The following NFIX variants were observed in gnomAD, a reference collection of about 807,000 sequenced individuals.
NFIX encodes the protein nuclear factor I X.
In NFIX, 2 loss-of-function variants were observed where a neutral mutation model predicts 53.3. The observed-to-expected ratio is 0.04, with a 90% confidence interval of 0.02 to 0.12. The LOEUF is 0.12. Among genes scored for constraint, NFIX ranks in the 10% least tolerant of loss-of-function variants. The pLI is 1.00. For missense variants in NFIX, 310 were observed against 674.5 expected, an observed-to-expected ratio of 0.46 and a Z score of 5.99; for synonymous variants, 244 against 289.0, an observed-to-expected ratio of 0.84 and a Z score of 1.58.
rs2015309115 is a variant in NFIX at position 13,051,175 on chromosome 19, G to A, written c.560-21872G>A. Among the ~76,000 whole-genome samples, 1 of 152,208 alleles carries A rather than the reference G, an allele frequency of 6.6e-6. No individual in the cohort carries two copies. The highest frequency in any genetic ancestry group is 6.5e-5 in the Admixed American group (1 of 15,284). ...CATCGCTGAAGGTGTGGCTAAGGCT[G>A]TCCCACCAGGTGTTTGGGATGCTGT... On this transcript the variant is annotated intron_variant, in intron 2 of 10. Transcript: ENST00000592199. The surrounding 1 kb of genome is among the most constrained non-coding windows in gnomAD (Gnocchi z 5.1).
At chr19:13,020,296 C>T (rs1599729815) in intron 1 of NFIX, among the ~76,000 whole-genome samples, 1 of 152,282 alleles carries the variant, frequency 6.6e-6, no homozygotes, top group South Asian at 2.1e-4. Flanking sequence ...CTGATGGCCG[C>T]CACCAGTGGC....
intron 2 of NFIX, among the ~76,000 whole-genome samples, chr19:13,057,654 A>G (rs1388157899): frequency 2.6e-5 from 4 of 152,220 alleles, no homozygotes; most frequent in African/African-American, 9.6e-5. Flanking sequence ...CCTGTGGGTC[A>G]GGATAAGAAT....
chr19:13,041,839 G>A (rs968925379), intron 2 of NFIX, among the ~76,000 whole-genome samples: 2 of 151,146 alleles, frequency 1.3e-5, no homozygotes, highest in South Asian at 2.1e-4. Context: ...CTACTATGTC[G>A]CTATTTTTCA....
chr19:13,007,682 C>G (rs976369202), intron 1 of NFIX, among the ~76,000 whole-genome samples: 10 of 152,334 alleles, frequency 6.6e-5, no homozygotes, highest in Non-Finnish European at 1.5e-4. Context: ...CAAGGGACTT[C>G]GGAGGAACCG....
Position 13,093,517 on chromosome 19 carries a change from GAGCAC to G in NFIX, c.1495-1114_1495-1110del, listed in dbSNP as rs1204053955. Reference sequence around the variant, plus strand: ...TGCTCGCAGCACAGGCAGCAGTTAGGAGCACAGCCTGCACTGCCCCTTACATTTGA... The same window carrying G: ...TGCTCGCAGCACAGGCAGCAGTTAGGAGCCTGCACTGCCCCTTACATTTGA... On this transcript the variant is annotated intron_variant, in intron 10 of 10. Coordinates refer to ENST00000592199, the MANE Select transcript of NFIX (RefSeq NM_001365902.3). The surrounding 1 kb of genome is among the most constrained non-coding windows in gnomAD (Gnocchi z 4.7). 6.6e-6 allele frequency among the ~76,000 whole-genome samples: 1 copy of G among 152,214 alleles called. No homozygotes were observed. Among genetic ancestry groups the G allele is most frequent in the Admixed American group, 6.5e-5 (1 of 15,284 alleles).
chr19:13,072,766 A>C lies in NFIX; in HGVS notation c.560-281A>C, dbSNP rs975550251. 6.6e-6 allele frequency among the ~76,000 whole-genome samples: 1 copy of C among 152,206 alleles called. No homozygotes were observed. The highest frequency in any genetic ancestry group is 1.5e-5 in the Non-Finnish European group (1 of 68,040). ...GGTGGAGGCCAGGGATGCTGCTCAG[A>C]TACCCCACAGTGCACAGGATGGTCC... On this transcript the variant is annotated intron_variant, in intron 2 of 10. Coordinates refer to ENST00000592199, the MANE Select transcript of NFIX (RefSeq NM_001365902.3). The surrounding 1 kb of genome is among the most constrained non-coding windows in gnomAD (Gnocchi z 4.0).
rs1464807963 is a variant in NFIX at position 13,022,434 on chromosome 19, G to A, written c.28-2587G>A. Reference sequence around the variant, plus strand: ...CAGCCAGACCTGGGGGCATCACAAGGTGGCAGTACCCTGGGCACCAGATCC... The same window carrying A: ...CAGCCAGACCTGGGGGCATCACAAGATGGCAGTACCCTGGGCACCAGATCC... On this transcript the variant is annotated intron_variant, in intron 1 of 10. Coordinates refer to ENST00000592199, the MANE Select transcript of NFIX (RefSeq NM_001365902.3). This position sits in a 1 kb window ranked among gnomAD's most constrained non-coding sequence, Gnocchi z 4.5. Among the ~76,000 whole-genome samples the A allele has an allele frequency of 6.6e-6, 1 of 152,058 alleles. No homozygotes were observed. The highest frequency in any genetic ancestry group is 1.5e-5 in the Non-Finnish European group (1 of 68,012).
At chr19:13,033,901 C>T (rs2013992895) in intron 2 of NFIX, among the ~76,000 whole-genome samples, 1 of 152,210 alleles carries the variant, frequency 6.6e-6, no homozygotes, top group East Asian at 1.9e-4. Flanking sequence ...TTGTCAGCTG[C>T]CTGAGCCTTC....
intron 1 of NFIX, among the ~76,000 whole-genome samples, chr19:13,000,954 T>A (rs1229282257): frequency 1.3e-5 from 2 of 152,186 alleles, no homozygotes; most frequent in Non-Finnish European, 2.9e-5. Flanking sequence ...GAGCCTGGCC[T>A]TTTAAATCTG....
At position 13,045,460 on chromosome 19, in the gene NFIX, AC is replaced by A. The variant is rs1356467143; in HGVS notation, c.559+19914del. On this transcript the variant is annotated intron_variant, in intron 2 of 10. Transcript: ENST00000592199. This position sits in a 1 kb window ranked among gnomAD's most constrained non-coding sequence, Gnocchi z 4.4. Reference sequence around the variant, plus strand: ...TAGCTGTCCTACACTGCACAAGACGACCCCCCATAGAAGACAGTATCTAGCC... The same window carrying A: ...TAGCTGTCCTACACTGCACAAGACGACCCCCATAGAAGACAGTATCTAGCC... Among the ~76,000 whole-genome samples the A allele has an allele frequency of 6.6e-6, 1 of 151,536 alleles. No individual in the cohort carries two copies. Among genetic ancestry groups the A allele is most frequent in the African/African-American group, 2.4e-5 (1 of 41,194 alleles).
intron 2 of NFIX, among the ~76,000 whole-genome samples, chr19:13,054,252 A>C (rs1309687292): frequency 6.6e-6 from 1 of 152,216 alleles, no homozygotes; most frequent in Non-Finnish European, 1.5e-5. Context: ...TCCCAGCTCC[A>C]GCTGACTTTG....
chr19:13,073,803 G>C lies in NFIX; in HGVS notation c.698-103G>C. The C allele has an allele frequency of 6.6e-7, 1 of 1,510,744 alleles. No homozygotes were observed. Among genetic ancestry groups the C allele is most frequent in the African/African-American group, 1.4e-5 (1 of 72,532 alleles). The allele number at this position is 1,510,744 out of a possible 1,614,324, so 93.6% of individuals were successfully genotyped here. On this transcript the variant is annotated intron_variant, in intron 4 of 10. Transcript: ENST00000592199. The surrounding 1 kb of genome is among the most constrained non-coding windows in gnomAD (Gnocchi z 4.5). ...CTTTCTCCCATCTCCTGGCCCCACAGTAAACTCACCCTGGGCTTCTGGGAA... is the reference window on the plus strand; with the variant it reads ...CTTTCTCCCATCTCCTGGCCCCACACTAAACTCACCCTGGGCTTCTGGGAA...
rs531167097 is a variant in NFIX at position 13,067,479 on chromosome 19, T to C, written c.560-5568T>C. Among the ~76,000 whole-genome samples, 32 of 92,170 alleles carry C rather than the reference T, an allele frequency of 3.5e-4. No homozygotes were observed. Among genetic ancestry groups the C allele is most frequent in the Admixed American group, 1.1e-3 (10 of 9,298 alleles). The allele number at this position is 92,170 out of a possible 152,430, so 60.5% of individuals were successfully genotyped here. On this transcript the variant is annotated intron_variant, in intron 2 of 10. Coordinates refer to ENST00000592199, the MANE Select transcript of NFIX (RefSeq NM_001365902.3). This position sits in a 1 kb window ranked among gnomAD's most constrained non-coding sequence, Gnocchi z 4.2. The stretch of plus-strand genomic sequence containing the variant: ...GTGTGCGCGCGTGTGTGTGTGTGTG[T>C]GTGCGTGTGTGTGTGTGTGTGTGTG...
rs973100848 is a variant in NFIX at position 13,095,442 on chromosome 19, T to G, written c.*793T>G. 6.6e-6 allele frequency: 1 copy of G among 152,182 alleles called. No homozygotes were observed. Among genetic ancestry groups the G allele is most frequent in the African/African-American group, 2.4e-5 (1 of 41,422 alleles). The allele number at this position is 152,182 out of a possible 1,614,324, so 9.4% of individuals were successfully genotyped here. On this transcript the variant is annotated 3_prime_UTR_variant, in exon 11 of 11. Transcript: ENST00000592199. Reference sequence around the variant, plus strand: ...AGTCCGTAGGAAAAAGTCGGAATGCTCTCGACGGCCTCGTCCCAGCCTGGG... The same window carrying G: ...AGTCCGTAGGAAAAAGTCGGAATGCGCTCGACGGCCTCGTCCCAGCCTGGG...
chr19:13,024,878 GGGGA>G, intron 1 of NFIX, 139 bp from the exon 2 acceptor site: 2 of 1,322,494 alleles, frequency 1.5e-6, no homozygotes, highest in Non-Finnish European at 2.1e-6. Context: ...AAATTGTTGG[GGGGA>G]GGGAGGAGGA....
chr19:13,027,449 G>T lies in NFIX; in HGVS notation c.559+1897G>T, dbSNP rs2013455808. 6.6e-6 allele frequency among the ~76,000 whole-genome samples: 1 copy of T among 152,192 alleles called. No individual in the cohort carries two copies. The highest frequency in any genetic ancestry group is 2.4e-5 in the African/African-American group (1 of 41,434). On this transcript the variant is annotated intron_variant, in intron 2 of 10. Transcript: ENST00000592199. This position sits in a 1 kb window ranked among gnomAD's most constrained non-coding sequence, Gnocchi z 4.3. ...ACTGGTGGCTTGCAGAAGGCTCGGA[G>T]CCTCGAGCTTACCAGTGTGGCCATC...
intron 2 of NFIX, among the ~76,000 whole-genome samples, chr19:13,059,777 CTTTTTTTT>C (rs35128120): frequency 1.2e-4 from 7 of 60,336 alleles, no homozygotes; most frequent in Non-Finnish European, 1.8e-4. Context: ...AATTAGAATT[CTTTTTTTT>C]TTTTTTTTTT....
intron 2 of NFIX, among the ~76,000 whole-genome samples, chr19:13,063,439 CAA>C (rs1239194398): frequency 6.6e-6 from 1 of 152,046 alleles, no homozygotes; most frequent in African/African-American, 2.4e-5. Context: ...GTTGTGCACA[CAA>C]AGCCACTCTT....
chr19:13,042,520 AT>A (rs1034591495), intron 2 of NFIX, among the ~76,000 whole-genome samples: 3 of 151,298 alleles, frequency 2.0e-5, no homozygotes, highest in Non-Finnish European at 4.4e-5. Context: ...ACACCTGGCT[AT>A]TTTTTTGTGT....
Sources: allele counts gnomAD v4.1 joint callset (sites outside exome capture counted in the v4.1 genomes callset), GRCh38; gene constraint gnomAD v4.1.1; non-coding constraint Gnocchi (gnomAD v3.1); transcripts MANE v1.5; gene names NCBI Gene and HGNC (gene_info 2026-07-23, HGNC 2026-07-21).